The following CCDC57 variants were observed in gnomAD, a reference collection of about 807,000 sequenced individuals.
The protein encoded by CCDC57 is coiled-coil domain-containing protein 57.
In CCDC57, 118 loss-of-function variants were observed where a neutral mutation model predicts 118.9. That is an observed-to-expected ratio of 0.99 (90% CI 0.86 to 1.16). The LOEUF (loss-of-function observed/expected upper bound fraction) is 1.16. Ranked by LOEUF, CCDC57 falls within the 50% of genes most tolerant of loss-of-function variation. The pLI is 0.00. For missense variants in CCDC57, 1,300 were observed against 1,320.7 expected (o/e 0.98, Z 0.24); for synonymous variants, 527 against 532.9 (o/e 0.99, Z 0.15).
intron 16 of CCDC57, among the ~76,000 whole-genome samples, chr17:82,148,561 A>G (rs1598913200): frequency 3.7e-5 from 2 of 53,822 alleles, no homozygotes; most frequent in Non-Finnish European, 6.9e-5. Flanking sequence ...GGATGGATAG[A>G]TAGGTGGGTG....
intron 19 of CCDC57, chr17:82,127,009 C>A (rs1436006148): frequency 2.0e-6 from 2 of 985,392 alleles, no homozygotes; most frequent in South Asian, 4.7e-5. Context: ...TTTCCCTCCC[C>A]CCTTCTCGCT....
chr17:82,107,649 C>T (rs1047363010), intron 19 of CCDC57: 1 of 466,484 alleles, frequency 2.1e-6, no homozygotes, highest in African/African-American at 2.0e-5. Context: ...GGAGGGCAGC[C>T]TGGGTTGAAG....
chr17:82,211,769 C>G (rs926842530), intron 1 of CCDC57, among the ~76,000 whole-genome samples: 1 of 152,152 alleles, frequency 6.6e-6, no homozygotes, highest in East Asian at 1.9e-4. Flanking sequence ...CTGGGGCAAG[C>G]TGACTCCAAG....
At chr17:82,203,564 A>G (rs549914467) in intron 2 of CCDC57, among the ~76,000 whole-genome samples, 1 of 152,320 alleles carries the variant, frequency 6.6e-6, no homozygotes, top group African/African-American at 2.4e-5. Flanking sequence ...TGCAATCCCA[A>G]CATTTTCTGA....
intron 16 of CCDC57, among the ~76,000 whole-genome samples, chr17:82,137,317 A>G (rs11077974): frequency 0.47 from 70,874 of 151,898 alleles, 17,307 homozygotes; most frequent in East Asian, 0.88. Flanking sequence ...CACTGCACCC[A>G]GCCTTCCTTC....
intron 19 of CCDC57, chr17:82,113,368 T>C (rs7211808): frequency 0.51 from 364,795 of 716,562 alleles, 98,410 homozygotes; most frequent in African/African-American, 0.61. Flanking sequence ...CAGCGTGACC[T>C]GCTCTCTCAG....
At chr17:82,132,971 G>T (rs2038631763) in intron 17 of CCDC57, among the ~76,000 whole-genome samples, 1 of 152,044 alleles carries the variant, frequency 6.6e-6, no homozygotes, top group African/African-American at 2.4e-5. Flanking sequence ...TGTTGGTCAG[G>T]CTGGTCTCAA....
intron 13 of CCDC57, among the ~76,000 whole-genome samples, chr17:82,164,247 G>C (rs1334107908): frequency 6.6e-6 from 1 of 152,020 alleles, no homozygotes; most frequent in Non-Finnish European, 1.5e-5. Flanking sequence ...CAGGCGTGGT[G>C]GTGCGCCCCT....
At chr17:82,113,217 T>A in intron 19 of CCDC57, 1 of 601,586 alleles carries the variant, frequency 1.7e-6, no homozygotes, top group Non-Finnish European at 3.0e-6. Flanking sequence ...TGATAATCAG[T>A]GAAGGCGGGG....
At chr17:82,199,852 T>A (rs995812793) in intron 3 of CCDC57, among the ~76,000 whole-genome samples, 1 of 152,088 alleles carries the variant, frequency 6.6e-6, no homozygotes, top group African/African-American at 2.4e-5. Context: ...GGCACACGGG[T>A]GTCTACCACA....
chr17:82,162,298 G>T (rs1568319983), intron 14 of CCDC57, among the ~76,000 whole-genome samples: 1 of 152,150 alleles, frequency 6.6e-6, no homozygotes, highest in African/African-American at 2.4e-5. Flanking sequence ...GAGCCCCCAT[G>T]CCTGGCCACA....
chr17:82,208,838 C>T (rs1213905862), intron 1 of CCDC57, among the ~76,000 whole-genome samples: 5 of 152,120 alleles, frequency 3.3e-5, no homozygotes, highest in Admixed American at 2.6e-4. Flanking sequence ...CCAGAGAGTG[C>T]TGCTAAGCCC....
intron 19 of CCDC57, chr17:82,105,223 T>C (rs896217629): frequency 1.3e-5 from 2 of 152,310 alleles, no homozygotes; most frequent in African/African-American, 4.8e-5. Context: ...AAGTCCATTC[T>C]GTGGCACAGA....
chr17:82,137,273 G>A (rs1023253121), intron 16 of CCDC57, among the ~76,000 whole-genome samples: 7 of 152,052 alleles, frequency 4.6e-5, no homozygotes, highest in African/African-American at 1.2e-4. Flanking sequence ...CGCCCACCTC[G>A]GCCTCCCGAA....
chr17:82,157,852 C>T (rs1363574556), exon 15 of CCDC57: 2 of 1,593,498 alleles, frequency 1.3e-6, no homozygotes, highest in Non-Finnish European at 1.7e-6. Flanking sequence ...AGCTCAGCCA[C>T]CTGCTTCCGC....
chr17:82,170,770 G>A (rs12938965), intron 13 of CCDC57, among the ~76,000 whole-genome samples: 70,933 of 152,054 alleles, frequency 0.47, 17,351 homozygotes, highest in East Asian at 0.88. Flanking sequence ...CCAATCATAC[G>A]CCAATGCACA....
intron 19 of CCDC57, among the ~76,000 whole-genome samples, chr17:82,105,789 C>T (rs1374968455): frequency 6.6e-6 from 1 of 152,226 alleles, no homozygotes; most frequent in African/African-American, 2.4e-5. Flanking sequence ...AGCTGCCTTC[C>T]CCACCTCACT....
At chr17:82,159,537 G>A (rs1219306400) in intron 14 of CCDC57, among the ~76,000 whole-genome samples, 3 of 152,270 alleles carry the variant, frequency 2.0e-5, no homozygotes, top group Non-Finnish European at 2.9e-5. Context: ...AAGGCGAGGC[G>A]TTAGGCATCA....
chr17:82,181,996 T>TA (rs2046264029), intron 9 of CCDC57, among the ~76,000 whole-genome samples: 1 of 151,972 alleles, frequency 6.6e-6, no homozygotes, highest in Non-Finnish European at 1.5e-5. Flanking sequence ...CGCATGCCTG[T>TA]AATCCCAGCT....
Sources: gnomAD v4.1 joint callset for allele counts (sites outside exome capture counted in the v4.1 genomes callset) on GRCh38, gnomAD v4.1.1 for gene constraint, MANE v1.5 for transcripts, NCBI Gene and HGNC (gene_info 2026-07-23, HGNC 2026-07-21) for gene names.